Variants in VPS37C observed in about 807,000 individuals in gnomAD.
VPS37C encodes vacuolar protein sorting-associated protein 37C.
In VPS37C, 9 loss-of-function variants were observed where a neutral mutation model predicts 16.1. The observed-to-expected ratio is 0.56, with a 90% CI of 0.34 to 0.97. The LOEUF (loss-of-function observed/expected upper bound fraction) is 0.97, where lower values mean the gene tolerates loss of function less well. Among genes scored for constraint, VPS37C ranks in the 50% least tolerant of loss-of-function variants. The probability of loss-of-function intolerance (pLI) is 0.02; values close to 1 mark genes in which losing one functional copy is unlikely to be tolerated. For synonymous variants in VPS37C, 207 were observed against 206.4 expected (o/e 1.00, Z -0.02); for missense variants, 479 against 472.7 (o/e 1.01, Z -0.12).
At position 61,131,083 on chromosome 11, in the gene VPS37C, C is replaced by G. The variant is rs769873498; in HGVS notation, c.*737G>C. 3.7e-6 allele frequency: 1 copy of G among 269,168 alleles called. No individual in the cohort carries two copies. Among genetic ancestry groups the G allele is most frequent in the Non-Finnish European group, 7.1e-6 (1 of 139,990 alleles). 16.7% of individuals were successfully genotyped at this position (269,168 alleles called of 1,614,324 possible). A position where few individuals can be genotyped will look rare whatever the true frequency, so the allele number is the denominator to read the frequency against. ...CACAATCTCCAGGGCTAGAGCTGCC[C>G]GCTTCCCTCTGGCCAGAGGGCCCAA... On this transcript the variant is annotated 3_prime_UTR_variant, in exon 5 of 5. Transcript: ENST00000301765.
chr11:61,140,569 A>C (rs547195653), intron 1 of VPS37C, among the ~76,000 whole-genome samples: 35 of 152,316 alleles, frequency 2.3e-4, no homozygotes, highest in African/African-American at 7.9e-4. Flanking sequence ...CTGACCATAC[A>C]GGTGGCCAGC....
intron 2 of VPS37C, among the ~76,000 whole-genome samples, chr11:61,136,161 ATTTTT>A (rs34085615): frequency 1.8e-5 from 2 of 109,374 alleles, no homozygotes; most frequent in African/African-American, 3.6e-5. Flanking sequence ...TTAATTACAC[ATTTTT>A]TTTTTTTTTT....
intron 1 of VPS37C, among the ~76,000 whole-genome samples, chr11:61,146,533 G>A (rs1164959349): frequency 6.6e-6 from 1 of 152,242 alleles, no homozygotes; most frequent in African/African-American, 2.4e-5. Context: ...CATGCCAGGA[G>A]CAGCACAGCC....
chr11:61,157,495 G>A (rs1853395890), intron 1 of VPS37C, among the ~76,000 whole-genome samples: 1 of 152,172 alleles, frequency 6.6e-6, no homozygotes, highest in Admixed American at 6.5e-5. Flanking sequence ...GACTAGTGAT[G>A]TTGAGCATCT....
rs75879452 is a variant in VPS37C at position 61,136,575 on chromosome 11, G to C, written c.93+2162C>G. On this transcript the variant is annotated intron_variant, in intron 2 of 4. Coordinates refer to ENST00000301765, the MANE Select transcript of VPS37C (RefSeq NM_017966.5). ...AAAATTGCATATCGATGCATATTAGGGGTTCAGTGTGAAGTCCTCCCAGTC... is the reference window on the plus strand; with the variant it reads ...AAAATTGCATATCGATGCATATTAGCGGTTCAGTGTGAAGTCCTCCCAGTC... Among the ~76,000 whole-genome samples the C allele has an allele frequency of 2.2e-3, 339 of 150,738 alleles. 1 individual carries two copies. Among genetic ancestry groups the C allele is most frequent in the African/African-American group, 8.2e-3 (335 of 40,772 alleles).
rs886982883 is a variant in VPS37C at position 61,131,589 on chromosome 11, A to C, written c.*231T>G. On this transcript the variant is annotated 3_prime_UTR_variant, in exon 5 of 5. Transcript: ENST00000301765. The stretch of plus-strand genomic sequence containing the variant: ...ACTCCAGCCTGGCTAGCACCGCTGC[A>C]GCCAGGCACTGAAAGGAGGGGCTTC... The C allele has an allele frequency of 4.1e-6, 2 of 493,742 alleles. No homozygotes were observed. The highest frequency in any genetic ancestry group is 4.0e-5 in the African/African-American group (2 of 50,432). The allele number at this position is 493,742 out of a possible 1,614,324, so 30.6% of individuals were successfully genotyped here.
chr11:61,155,736 C>T (rs1853366750), intron 1 of VPS37C, among the ~76,000 whole-genome samples: 1 of 152,156 alleles, frequency 6.6e-6, no homozygotes, highest in South Asian at 2.1e-4. Context: ...AAAAGGATGT[C>T]CTCAAGTCAG....
At chr11:61,142,492 C>T (rs1262379321) in intron 1 of VPS37C, among the ~76,000 whole-genome samples, 4 of 152,110 alleles carry the variant, frequency 2.6e-5, no homozygotes, top group South Asian at 4.1e-4. Context: ...CCTTGACCTC[C>T]CAAAGTGCTG....
At chr11:61,148,261 C>T (rs997628125) in intron 1 of VPS37C, among the ~76,000 whole-genome samples, 30 of 152,246 alleles carry the variant, frequency 2.0e-4, no homozygotes, top group African/African-American at 7.2e-4. Flanking sequence ...TTGCCAGTGA[C>T]CTCTAGCCCG....
chr11:61,138,539 A>C, intron 2 of VPS37C, 198 bp downstream of exon 2: 3 of 563,850 alleles, frequency 5.3e-6, no homozygotes, highest in Non-Finnish European at 9.5e-6. Context: ...GAGGCAGTGG[A>C]CTCCCCAGCA....
chr11:61,157,761 T>C (rs564947918), intron 1 of VPS37C, among the ~76,000 whole-genome samples: 1 of 152,348 alleles, frequency 6.6e-6, no homozygotes, highest in South Asian at 2.1e-4. Flanking sequence ...GCTTGGATAT[T>C]TGTCTCCTCC....
chr11:61,134,121 C>T lies in VPS37C; in HGVS notation c.180G>A (p.Leu60=), dbSNP rs773509769. ...AERNLEFQGP[L]EISRSNLSDR... ...CCGAGAGGTTTGAGCGGCTGATCTC[C>T]AGGGGACCCTGGAACTCCAAGTTCC... is the stretch of plus-strand genomic sequence containing the variant. Residue 60 remains leucine, a synonymous_variant, in exon 3 of 5, where the codon CTG becomes CTA. Coordinates refer to ENST00000301765, the MANE Select transcript of VPS37C (RefSeq NM_017966.5). The T allele has an allele frequency of 6.2e-7, 1 of 1,614,012 alleles. No homozygotes were observed. Among genetic ancestry groups the T allele is most frequent in the African/African-American group, 1.3e-5 (1 of 75,006 alleles).
At chr11:61,159,730 A>C (rs1430378157) in intron 1 of VPS37C, among the ~76,000 whole-genome samples, 2 of 73,320 alleles carry the variant, frequency 2.7e-5, no homozygotes, top group Non-Finnish European at 5.5e-5. Context: ...AAATAAATAA[A>C]TAAATAAATA....
chr11:61,154,662 T>G, intron 1 of VPS37C, among the ~76,000 whole-genome samples: 1 of 152,138 alleles, frequency 6.6e-6, no homozygotes, highest in Middle Eastern at 3.2e-3. Flanking sequence ...AAAAAATATT[T>G]GCAGAGTTAC....
intron 1 of VPS37C, among the ~76,000 whole-genome samples, chr11:61,151,294 A>G (rs889983879): frequency 2.0e-5 from 3 of 152,218 alleles, no homozygotes; most frequent in African/African-American, 7.2e-5. Context: ...TGCTGTCCTA[A>G]CAAATACTAA....
rs1463704487 is a variant in VPS37C at position 61,131,959 on chromosome 11, G to A, written c.929C>T (p.Pro310Leu). The A allele has an allele frequency of 2.3e-6, 3 of 1,316,066 alleles. No individual in the cohort carries two copies. The highest frequency in any genetic ancestry group is 5.0e-5 in the South Asian group (2 of 40,242). 81.5% of individuals were successfully genotyped at this position (1,316,066 alleles called of 1,614,324 possible). Residue 310 changes from proline (P) to leucine (L), a missense_variant, in exon 5 of 5, where the codon CCC (proline) becomes CTC (leucine). By Grantham distance (98) the Pro-to-Leu change is moderately conservative. Transcript: ENST00000301765. ...SPYPATGGKP[P>L]YPIQPQLPSF... The stretch of plus-strand genomic sequence containing the variant: ...GGGGAGCTGAGGCTGTATTGGGTAG[G>A]GAGGTTTTCCTCCTGTTGCGGGGTA...
intron 1 of VPS37C, among the ~76,000 whole-genome samples, chr11:61,149,956 T>C (rs1464596781): frequency 6.6e-6 from 1 of 152,116 alleles, no homozygotes; most frequent in Non-Finnish European, 1.5e-5. Flanking sequence ...GGAGGCTCTA[T>C]CAGCACGCGG....
chr11:61,142,874 C>T (rs895965997), intron 1 of VPS37C, among the ~76,000 whole-genome samples: 15 of 141,182 alleles, frequency 1.1e-4, no homozygotes, highest in Admixed American at 1.0e-3. Context: ...TTAGTGGGTG[C>T]AGCGCACCAG....
rs148831092 is a variant in VPS37C at position 61,148,578 on chromosome 11, T to TA, written c.-6-9744dup. The stretch of plus-strand genomic sequence containing the variant: ...TGTTTCCTGACTTCCCACAGGAGGT[T>TA]AAAAAAAAAAAAAAAAAAATCAAAT... On this transcript the variant is annotated intron_variant, in intron 1 of 4. Coordinates refer to ENST00000301765, the MANE Select transcript of VPS37C (RefSeq NM_017966.5). 2.5e-3 allele frequency among the ~76,000 whole-genome samples: 361 copies of TA among 143,638 alleles called. 2 individuals are homozygous for TA. The highest frequency in any genetic ancestry group is 4.1e-3 in the Admixed American group (60 of 14,526). The allele number at this position is 143,638 out of a possible 152,430, so 94.2% of individuals were successfully genotyped here.
Sources: gnomAD v4.1 joint callset for allele counts (sites outside exome capture counted in the v4.1 genomes callset) on GRCh38, gnomAD v4.1.1 for gene constraint, MANE v1.5 for transcripts, NCBI Gene and HGNC (gene_info 2026-07-23, HGNC 2026-07-21) for gene names.